The following CLIP1 variants were observed in gnomAD, a reference collection of about 807,000 sequenced individuals.
CLIP1 encodes CAP-Gly domain containing linker protein 1, also known as CAP-Gly domain-containing linker protein 1.
Under a neutral mutation model 161.6 loss-of-function variants are expected in CLIP1, and 66 were observed. The ratio of observed to expected loss-of-function variants is 0.41; its 90% CI spans 0.33 to 0.50. CLIP1 has a LOEUF of 0.50. Among genes scored for constraint, CLIP1 ranks in the 20% least tolerant of loss-of-function variants. The pLI is 0.27. For missense variants in CLIP1, 1,376 were observed against 1,702.0 expected, an observed-to-expected ratio of 0.81 and a Z score of 3.37; for synonymous variants, 598 against 626.2, an observed-to-expected ratio of 0.96 and a Z score of 0.67.
rs1243544366 is a variant in CLIP1, at chr12:122,345,971, AG to A, written c.1506+1403del. 8.5e-5 allele frequency among the ~76,000 whole-genome samples: 13 copies of A among 152,102 alleles called. No individual in the cohort carries two copies. The East Asian group carries it at 2.1e-3, about 25-fold the overall frequency. ...CGGATAATTTTAGTATTTTTAGTAG[AG>A]ATGGGGTTTCTCCATGTTGGCCAGG... On this transcript the variant is annotated intron_variant, in intron 10 of 25. Transcript: ENST00000620786.
intron 10 of CLIP1, among the ~76,000 whole-genome samples, chr12:122,346,162 T>A (rs1952738384): frequency 6.6e-6 from 1 of 152,204 alleles, no homozygotes; most frequent in Admixed American, 6.6e-5. Context: ...GCACAGACTC[T>A]GGGGCCAAAT....
chr12:122,392,818 G>A (rs1311212237), intron 1 of CLIP1, among the ~76,000 whole-genome samples: 1 of 151,842 alleles, frequency 6.6e-6, no homozygotes, highest in African/African-American at 2.4e-5. Flanking sequence ...TTTCATTCCT[G>A]TTGCCCAGGC....
chr12:122,306,937 T>C (rs1264471232), intron 20 of CLIP1, among the ~76,000 whole-genome samples: 1 of 150,878 alleles, frequency 6.6e-6, no homozygotes, highest in East Asian at 1.9e-4. Context: ...AAACAGGCTT[T>C]CAAACACAAT....
intron 3 of CLIP1, among the ~76,000 whole-genome samples, chr12:122,373,160 C>G (rs564631124): frequency 6.6e-6 from 1 of 152,244 alleles, no homozygotes; most frequent in South Asian, 2.1e-4. Flanking sequence ...CGTGGTGGCT[C>G]ACGCCTGTAA....
At chr12:122,280,767 G>A (rs1955614504) in intron 21 of CLIP1, 1 of 152,212 alleles carries the variant, frequency 6.6e-6, no homozygotes, top group African/African-American at 2.4e-5. Context: ...AACACGAGAG[G>A]AAAATGACAA....
chr12:122,394,860 A>G (rs1955848015), intron 1 of CLIP1, among the ~76,000 whole-genome samples: 1 of 152,188 alleles, frequency 6.6e-6, no homozygotes, highest in Non-Finnish European at 1.5e-5. Context: ...TCAAAAATAA[A>G]AAAAAAGAAG....
intron 19 of CLIP1, among the ~76,000 whole-genome samples, chr12:122,315,273 C>A (rs1015556238): frequency 6.6e-6 from 1 of 152,102 alleles, no homozygotes; most frequent in Non-Finnish European, 1.5e-5. Flanking sequence ...GGGCAGGGAC[C>A]GTATATACTC....
At position 122,385,134 on chromosome 12, in the gene CLIP1, T is replaced by C. The variant is rs1450099266; in HGVS notation, c.-106-4576A>G. ...TTTTAGTAGAGACGGGGTTTCACCA[T>C]ATTGGCCAGGATGGTCTCAATCTCT... is the stretch of plus-strand genomic sequence containing the variant. On this transcript the variant is annotated intron_variant, in intron 1 of 25. Coordinates refer to ENST00000620786, the MANE Select transcript of CLIP1 (RefSeq NM_001247997.2). Among the ~76,000 whole-genome samples the C allele has an allele frequency of 2.0e-5, 3 of 152,128 alleles. No individual in the cohort carries two copies. In the East Asian group the frequency reaches 5.8e-4, roughly 30 times the overall value.
intron 15 of CLIP1, among the ~76,000 whole-genome samples, chr12:122,330,410 T>G (rs1566125118): frequency 6.6e-6 from 1 of 152,088 alleles, no homozygotes; most frequent in Non-Finnish European, 1.5e-5. Flanking sequence ...TTTGCAGGTA[T>G]TAACACTTTT....
intron 12 of CLIP1, 106 bp from the exon 13 acceptor site, chr12:122,334,811 CTT>C (rs1352801012): frequency 1.4e-6 from 1 of 734,708 alleles, no homozygotes; most frequent in Non-Finnish European, 2.3e-6. Flanking sequence ...TGTTGCTGGT[CTT>C]GTTTTATTAA....
chr12:122,362,639 C>CAAAAAAAA (rs56183812), intron 4 of CLIP1, among the ~76,000 whole-genome samples: 2 of 19,130 alleles, frequency 1.0e-4, no homozygotes, highest in Admixed American at 1.3e-3. Flanking sequence ...GACTCCATCT[C>CAAAAAAAA]AAAAAAAAAA....
chr12:122,362,829 T>G (rs1011430583), intron 4 of CLIP1, among the ~76,000 whole-genome samples: 3 of 151,624 alleles, frequency 2.0e-5, no homozygotes, highest in Non-Finnish European at 4.4e-5. Flanking sequence ...TATTAACTAT[T>G]AATGTCTATT....
intron 3 of CLIP1, among the ~76,000 whole-genome samples, chr12:122,373,821 A>T (rs1219023829): frequency 1.3e-5 from 2 of 152,180 alleles, no homozygotes; most frequent in African/African-American, 4.8e-5. Context: ...ACGAAAGCAT[A>T]TTATGAAAAT....
At chr12:122,372,459 G>A (rs2136713638) in intron 3 of CLIP1, among the ~76,000 whole-genome samples, 2 of 151,582 alleles carry the variant, frequency 1.3e-5, no homozygotes, top group South Asian at 4.2e-4. Context: ...GTGGGTGCCT[G>A]TAATCCCAGC....
intron 20 of CLIP1, among the ~76,000 whole-genome samples, chr12:122,301,684 A>C (rs2136426314): frequency 1.3e-5 from 2 of 152,254 alleles, no homozygotes; most frequent in East Asian, 3.9e-4. Flanking sequence ...AAAATAACAA[A>C]GAACCCCACA....
chr12:122,341,050 G>T lies in CLIP1; in HGVS notation c.2154C>A (p.Asp718Glu), dbSNP rs545710606. 2 of 1,613,860 alleles carry T rather than the reference G, an allele frequency of 1.2e-6. No individual in the cohort carries two copies. The highest frequency in any genetic ancestry group is 2.2e-5 in the East Asian group (1 of 44,874). Residue 718 changes from aspartate (D) to glutamate (E), a missense_variant, in exon 11 of 26, where the codon GAC (aspartate) becomes GAA (glutamate). Coordinates refer to ENST00000620786, the MANE Select transcript of CLIP1 (RefSeq NM_001247997.2). ...NSLEAIRSKL[D>E]KAEDQHLVEM... ...CTACGAGATGCTGGTCTTCTGCTTT[G>T]TCCAGTTTCGACCTGATGGCTTCCA...
chr12:122,383,217 T>G (rs926399549), intron 1 of CLIP1, among the ~76,000 whole-genome samples: 1 of 152,244 alleles, frequency 6.6e-6, no homozygotes, highest in African/African-American at 2.4e-5. Context: ...GAGCAGGCAC[T>G]GTGGTTCTGG....
intron 3 of CLIP1, among the ~76,000 whole-genome samples, chr12:122,368,824 G>A (rs12319914): frequency 0.062 from 9,347 of 151,592 alleles, 924 homozygotes; most frequent in African/African-American, 0.21. Context: ...CCAGCTACTC[G>A]GGAGGTTGAG....
At chr12:122,294,560 C>T (rs1046797130) in intron 20 of CLIP1, among the ~76,000 whole-genome samples, 4 of 151,558 alleles carry the variant, frequency 2.6e-5, no homozygotes, top group East Asian at 1.9e-4. Context: ...CCCAGGAGTT[C>T]GAGACCAGCC....
Sources: allele counts gnomAD v4.1 joint callset (sites outside exome capture counted in the v4.1 genomes callset), GRCh38; gene constraint gnomAD v4.1.1; transcripts MANE v1.5; gene names NCBI Gene and HGNC (gene_info 2026-07-23, HGNC 2026-07-21).